Variants in VWA8 observed in about 807,000 individuals in gnomAD.
VWA8 encodes the protein von Willebrand factor A domain containing 8.
A neutral mutation model predicts 241.5 loss-of-function variants in VWA8; 221 were observed. That is an observed-to-expected ratio of 0.91 (90% CI 0.82 to 1.02). The LOEUF is 1.02. Ranked by LOEUF, VWA8 falls within the 50% of genes least tolerant of loss-of-function variation. The probability of loss-of-function intolerance (pLI) is 0.00; values close to 1 mark genes in which losing one functional copy is unlikely to be tolerated. For missense variants in VWA8, 2,322 were observed against 2,328.7 expected, an observed-to-expected ratio of 1.00 and a Z score of 0.06; for synonymous variants, 852 against 827.1, an observed-to-expected ratio of 1.03 and a Z score of -0.52.
At chr13:41,641,627 T>C (rs892598960) in intron 37 of VWA8, among the ~76,000 whole-genome samples, 1 of 152,192 alleles carries the variant, frequency 6.6e-6, no homozygotes, top group Non-Finnish European at 1.5e-5. Flanking sequence ...GAGGTGCTCA[T>C]TATTAGTTTT....
intron 24 of VWA8, among the ~76,000 whole-genome samples, chr13:41,723,877 A>G (rs1431800123): frequency 6.6e-6 from 1 of 152,220 alleles, no homozygotes; most frequent in African/African-American, 2.4e-5. Context: ...AGTCTAAAAC[A>G]TGACACATTC....
At chr13:41,610,924 C>A (rs2044583632) in intron 39 of VWA8, among the ~76,000 whole-genome samples, 1 of 152,152 alleles carries the variant, frequency 6.6e-6, no homozygotes, top group Non-Finnish European at 1.5e-5. Context: ...TAGATTAAGG[C>A]CTCTACTCAC....
At chr13:41,791,481 A>C (rs1310661708) in intron 17 of VWA8, among the ~76,000 whole-genome samples, 1 of 151,896 alleles carries the variant, frequency 6.6e-6, no homozygotes, top group Admixed American at 6.6e-5. Context: ...AATTATGAAG[A>C]CTATTAAACA....
At chr13:41,731,590 G>A (rs2045483953) in intron 22 of VWA8, among the ~76,000 whole-genome samples, 1 of 152,098 alleles carries the variant, frequency 6.6e-6, no homozygotes, top group Admixed American at 6.5e-5. Context: ...GAACATGAAT[G>A]AATGCTTTCC....
intron 24 of VWA8, among the ~76,000 whole-genome samples, chr13:41,723,276 G>A (rs1158787655): frequency 2.0e-5 from 3 of 152,140 alleles, no homozygotes; most frequent in Admixed American, 6.6e-5. Flanking sequence ...TCTTTCTGTT[G>A]CCCTGTGGGA....
intron 22 of VWA8, among the ~76,000 whole-genome samples, chr13:41,731,085 T>C (rs963155120): frequency 1.4e-5 from 2 of 147,022 alleles, no homozygotes; most frequent in Admixed American, 6.7e-5. Context: ...TTAAAAAAAC[T>C]GAATTTAAAA....
At chr13:41,785,436 T>C (rs1226959958) in intron 18 of VWA8, among the ~76,000 whole-genome samples, 4 of 152,158 alleles carry the variant, frequency 2.6e-5, no homozygotes, top group Non-Finnish European at 5.9e-5. Context: ...ATACAACGCC[T>C]TAAACAATTC....
chr13:41,716,453 C>T (rs774412782), intron 26 of VWA8, among the ~76,000 whole-genome samples: 11 of 152,006 alleles, frequency 7.2e-5, no homozygotes, highest in Non-Finnish European at 1.6e-4. Context: ...ATAACATCAC[C>T]GCTACTGAAC....
intron 2 of VWA8, among the ~76,000 whole-genome samples, chr13:41,948,365 A>G (rs1171907878): frequency 6.6e-6 from 1 of 152,188 alleles, no homozygotes; most frequent in Admixed American, 6.5e-5. Flanking sequence ...GGTGGGGGAG[A>G]GAGAAGAAAG....
At chr13:41,692,830 G>A (rs1333778517) in intron 30 of VWA8, 32 bp downstream of exon 30, 1 of 1,551,012 alleles carries the variant, frequency 6.4e-7, no homozygotes, top group Non-Finnish European at 8.9e-7. Context: ...GAAATCCTTG[G>A]CAATTTGTGG....
Position 41,568,252 on chromosome 13 carries a change from T to C in VWA8, c.5663A>G (p.Asp1888Gly), listed in dbSNP as rs1199273846. 2 of 1,614,080 alleles carry C rather than the reference T, an allele frequency of 1.2e-6. No individual in the cohort carries two copies. Among genetic ancestry groups the C allele is most frequent in the Admixed American group, 3.3e-5 (2 of 60,022 alleles). The change falls in exon 45 of 45, where the codon GAT becomes GGT. Residue 1888 changes from aspartate (D) to glycine (G), a missense_variant. By Grantham distance (94) the Asp-to-Gly change is moderately conservative (BLOSUM62 -1). Transcript: ENST00000379310. ...GATCTGTTGTAAAATCTGAGGGATA[T>C]CCTTGGTATCCATGGCAACGAAAGA... ...GRSFVAMDTK[D>G]IPQILQQIFT...
chr13:41,793,711 A>C (rs747573021), intron 17 of VWA8, among the ~76,000 whole-genome samples: 1 of 152,108 alleles, frequency 6.6e-6, no homozygotes, highest in Non-Finnish European at 1.5e-5. Context: ...AGCTACTCAG[A>C]AGGCTGAGGC....
intron 42 of VWA8, among the ~76,000 whole-genome samples, chr13:41,586,489 C>G (rs1205199314): frequency 6.6e-6 from 1 of 152,124 alleles, no homozygotes; most frequent in Admixed American, 6.5e-5. Context: ...CTGAAGCTGC[C>G]CTTCTTCTTC....
intron 26 of VWA8, among the ~76,000 whole-genome samples, chr13:41,708,203 CA>C (rs1172868757): frequency 6.6e-6 from 1 of 151,420 alleles, no homozygotes; most frequent in Non-Finnish European, 1.5e-5. Context: ...ACCACAAATG[CA>C]AAAAAAATTA....
At chr13:41,834,060 AG>A in intron 12 of VWA8, among the ~76,000 whole-genome samples, 1 of 152,348 alleles carries the variant, frequency 6.6e-6, no homozygotes, top group Non-Finnish European at 1.5e-5. Flanking sequence ...TTATTTAAAG[AG>A]GCTTGATAAT....
At chr13:41,823,972 G>A (rs1214143860) in intron 14 of VWA8, among the ~76,000 whole-genome samples, 1 of 152,148 alleles carries the variant, frequency 6.6e-6, no homozygotes, top group Non-Finnish European at 1.5e-5. Flanking sequence ...AGGCATCAAA[G>A]TATTCCTAAT....
rs768774373 is a variant in VWA8 at position 41,580,021 on chromosome 13, AT to A, written c.5272-4184del. Among the ~76,000 whole-genome samples the A allele has an allele frequency of 2.7e-3, 383 of 139,414 alleles. 1 individual carries two copies. The highest frequency in any genetic ancestry group is 0.011 in the South Asian group (50 of 4,410). The allele number at this position is 139,414 out of a possible 152,430, so 91.5% of individuals were successfully genotyped here. On this transcript the variant is annotated intron_variant, in intron 42 of 44. Coordinates refer to ENST00000379310, the MANE Select transcript of VWA8 (RefSeq NM_015058.2). ...GCCGCCACACCTGGCTAATTTTTGTATTTTTTTTTTTTTTGTAGAGACAGGG... is the reference window on the plus strand; with the variant it reads ...GCCGCCACACCTGGCTAATTTTTGTATTTTTTTTTTTTTGTAGAGACAGGG...
rs558999533 is a variant in VWA8, at chr13:41,867,291, G to A, written c.1212+1055C>T. ...TTCTCTCTGAAGCTTTCCCTATTCCGTCTCCTGAATCCCAGTATTACTTTC... is the reference window on the plus strand; with the variant it reads ...TTCTCTCTGAAGCTTTCCCTATTCCATCTCCTGAATCCCAGTATTACTTTC... On this transcript the variant is annotated intron_variant, in intron 10 of 44. Transcript: ENST00000379310. Among the ~76,000 whole-genome samples the A allele has an allele frequency of 7.4e-4, 112 of 152,160 alleles. 1 individual carries two copies. In the South Asian group the frequency reaches 0.012, roughly 16 times the overall value.
chr13:41,693,511 A>C (rs1406928947), intron 29 of VWA8, among the ~76,000 whole-genome samples: 1 of 152,094 alleles, frequency 6.6e-6, no homozygotes, highest in African/African-American at 2.4e-5. Context: ...AGAAATATGA[A>C]GGACTCCAAG....
Sources: allele counts gnomAD v4.1 joint callset (sites outside exome capture counted in the v4.1 genomes callset), GRCh38; gene constraint gnomAD v4.1.1; transcripts MANE v1.5; gene names NCBI Gene and HGNC (gene_info 2026-07-23, HGNC 2026-07-21).